PLAGL1: variants seen among roughly 807,000 people sequenced by gnomAD.
PLAGL1 encodes the protein PLAG1 like zinc finger 1.
A neutral mutation model predicts 4.6 loss-of-function variants in PLAGL1; 1 was observed. The observed-to-expected ratio is 0.22, with a 90% CI of 0.08 to 1.03. The LOEUF (loss-of-function observed/expected upper bound fraction) is 1.03, where lower values mean the gene tolerates loss of function less well. PLAGL1 is among the 50% of genes least tolerant of loss of function. PLAGL1 has a pLI of 0.58. For missense variants in PLAGL1, 464 were observed against 570.4 expected, an observed-to-expected ratio of 0.81 and a Z score of 1.90; for synonymous variants, 240 against 237.8, an observed-to-expected ratio of 1.01 and a Z score of -0.08.
rs548474223 is a variant in PLAGL1 at position 144,038,586 on chromosome 6, GT to G, written c.-151+25881del. Among the ~76,000 whole-genome samples the G allele has an allele frequency of 2.6e-5, 4 of 152,034 alleles. No individual in the cohort carries two copies. In the East Asian group the frequency reaches 5.8e-4, roughly 22 times the overall value. ...AAGACAATTCAATGGGGAAAGAATA[GT>G]TTTTTTTCAATGAATGGATAAATAA... On this transcript the variant is annotated intron_variant, in intron 1 of 3. Coordinates refer to the PLAGL1 transcript ENST00000437412.
At chr6:144,010,803 C>T (rs1009029067), upstream of PLAGL1, among the ~76,000 whole-genome samples, 6 of 152,158 alleles carry the variant, frequency 3.9e-5, no homozygotes, top group Non-Finnish European at 8.8e-5. The surrounding 1 kb of genome is among the most constrained non-coding windows in gnomAD (Gnocchi z 4.1). Context: ...TAACACCACA[C>T]ATCTACAACC....
intron 6 of PLAGL1, among the ~76,000 whole-genome samples, chr6:143,951,647 A>G (rs1169429265): frequency 6.6e-6 from 1 of 152,264 alleles, no homozygotes. Context: ...ACCCATGCCT[A>G]CATTTCCCCT....
In PLAGL1 at chr6:143,968,627, C is replaced by T. The variant is rs1278302634; in HGVS notation, c.-472+280G>A. 1.3e-5 allele frequency: 2 copies of T among 152,150 alleles called. No homozygotes were observed. The highest frequency in any genetic ancestry group is 4.8e-5 in the African/African-American group (2 of 41,416). 9.4% of individuals were successfully genotyped at this position (152,150 alleles called of 1,614,324 possible). ...TTTAAGACAGATAAATAGCAATGAT[C>T]GTTCTTAGCGTGTCCTCTTGAATTT... On this transcript the variant is annotated intron_variant, in intron 3 of 7. Transcript: ENST00000674357. This position sits in a 1 kb window ranked among gnomAD's most constrained non-coding sequence, Gnocchi z 6.3.
intron 1 of PLAGL1, among the ~76,000 whole-genome samples, chr6:144,038,617 A>G (rs1583828726): frequency 6.6e-6 from 1 of 152,368 alleles, no homozygotes; most frequent in Admixed American, 6.5e-5. Context: ...AAATAAAATG[A>G]CATGTCCAAA....
chr6:144,007,021 T>C (rs1230793527), intron 1 of PLAGL1: 1 of 152,136 alleles, frequency 6.6e-6, no homozygotes, highest in Non-Finnish European at 1.5e-5. Flanking sequence ...CTGAAAAACA[T>C]TGTTCTTAAG....
At chr6:143,951,236 C>T (rs537121486) in intron 6 of PLAGL1, among the ~76,000 whole-genome samples, 1 of 152,262 alleles carries the variant, frequency 6.6e-6, no homozygotes, top group South Asian at 2.1e-4. Context: ...AAATAAACAC[C>T]CTACAAATAG....
At position 143,960,254 on chromosome 6, in the gene PLAGL1, T is replaced by A. The variant is rs2128554543; in HGVS notation, c.-325+215A>T. Among the ~76,000 whole-genome samples the A allele has an allele frequency of 6.6e-6, 1 of 152,264 alleles. No individual in the cohort carries two copies. Among genetic ancestry groups the A allele is most frequent in the Non-Finnish European group, 1.5e-5 (1 of 68,022 alleles). On this transcript the variant is annotated intron_variant, in intron 6 of 7. Transcript: ENST00000674357. The surrounding 1 kb of genome is among the most constrained non-coding windows in gnomAD (Gnocchi z 5.7). ...AAAAGTTGCTAACTGCATCATCCAA[T>A]TCCCTGAAACACATGTGCACTGAGC...
Position 144,027,230 on chromosome 6 carries a change from C to T in PLAGL1, c.-151+37238G>A, listed in dbSNP as rs370637102. 2.0e-3 allele frequency among the ~76,000 whole-genome samples: 197 copies of T among 99,156 alleles called. 2 individuals carry two copies. The highest frequency in any genetic ancestry group is 7.7e-3 in the African/African-American group (186 of 24,160). The allele number at this position is 99,156 out of a possible 152,430, so 65.1% of individuals were successfully genotyped here. ...CAGAGAAAGACCCCAACTCAAAGAA[C>T]GAACGAAAGAAAGAAAGAAAGAAAG... On this transcript the variant is annotated intron_variant, in intron 1 of 3. Transcript: ENST00000437412. This position sits in a 1 kb window ranked among gnomAD's most constrained non-coding sequence, Gnocchi z 5.8.
At chr6:144,023,965 C>T (rs112664890) in intron 1 of PLAGL1, among the ~76,000 whole-genome samples, 31 of 151,768 alleles carry the variant, frequency 2.0e-4, no homozygotes, top group African/African-American at 6.8e-4. Context: ...TTAGTAGACA[C>T]GGGGTTTCAC....
rs1278689531 is a variant in PLAGL1, at chr6:143,968,724, G to A, written c.-472+183C>T. Reference sequence around the variant, plus strand: ...AACCTTATTTTCCCCCTCAAGGCCTGAAGTTCCTCAAATGTAAATTCTCTC... The same window carrying A: ...AACCTTATTTTCCCCCTCAAGGCCTAAAGTTCCTCAAATGTAAATTCTCTC... On this transcript the variant is annotated intron_variant, in intron 3 of 7. Transcript: ENST00000674357. This position sits in a 1 kb window ranked among gnomAD's most constrained non-coding sequence, Gnocchi z 6.3. 1 of 152,192 alleles carries A rather than the reference G, an allele frequency of 6.6e-6. No homozygotes were observed. The highest frequency in any genetic ancestry group is 1.5e-5 in the Non-Finnish European group (1 of 68,096). 9.4% of individuals were successfully genotyped at this position (152,192 alleles called of 1,614,324 possible).
Position 143,947,514 on chromosome 6 carries a change from C to T in PLAGL1, c.152+471G>A, listed in dbSNP as rs1055332061. 2.6e-5 allele frequency among the ~76,000 whole-genome samples: 4 copies of T among 152,234 alleles called. No individual in the cohort carries two copies. Among genetic ancestry groups the T allele is most frequent in the Non-Finnish European group, 4.4e-5 (3 of 68,042 alleles). ...ACTTTTAGCCTCATCTGCTCCTCCT[C>T]GGATAGTACCCTCTGCACATGGGTG... is the stretch of plus-strand genomic sequence containing the variant. On this transcript the variant is annotated intron_variant, in intron 7 of 7. Transcript: ENST00000674357. This position sits in a 1 kb window ranked among gnomAD's most constrained non-coding sequence, Gnocchi z 4.3.
At position 144,027,244 on chromosome 6, in the gene PLAGL1, AAAGAAAGAAAGAAAG is replaced by A. The variant is rs1306677880; in HGVS notation, c.-151+37209_-151+37223del. Among the ~76,000 whole-genome samples the A allele has an allele frequency of 8.3e-6, 1 of 119,946 alleles. No homozygotes were observed. The highest frequency in any genetic ancestry group is 1.8e-5 in the Non-Finnish European group (1 of 56,676). The allele number at this position is 119,946 out of a possible 152,430, so 78.7% of individuals were successfully genotyped here. On this transcript the variant is annotated intron_variant, in intron 1 of 3. Coordinates refer to the PLAGL1 transcript ENST00000437412. The surrounding 1 kb of genome is among the most constrained non-coding windows in gnomAD (Gnocchi z 5.8). ...AACTCAAAGAACGAACGAAAGAAAG[AAAGAAAGAAAGAAAG>A]AAAGAAAGAAAGAAAGAAAGAAAGA...
chr6:143,978,404 CTT>C lies in PLAGL1; in HGVS notation c.-544+6729_-544+6730del, dbSNP rs1249280864. Among the ~76,000 whole-genome samples the C allele has an allele frequency of 2.0e-5, 3 of 151,964 alleles. No individual in the cohort carries two copies. The highest frequency in any genetic ancestry group is 6.5e-5 in the Admixed American group (1 of 15,270). ...AAATTAAAAATATTTAAACATTTTT[CTT>C]GAGATTTTTCTTTGATCCATGGGTT... On this transcript the variant is annotated intron_variant, in intron 2 of 7. Transcript: ENST00000674357. This position sits in a 1 kb window ranked among gnomAD's most constrained non-coding sequence, Gnocchi z 4.6.
chr6:144,027,249 A>AAGAAAGAAAGAT lies in PLAGL1; in HGVS notation c.-151+37218_-151+37219insATCTTTCTTTCT, dbSNP rs1304705574. 8.2e-5 allele frequency among the ~76,000 whole-genome samples: 11 copies of AAGAAAGAAAGAT among 133,794 alleles called. No homozygotes were observed. Among genetic ancestry groups the AAGAAAGAAAGAT allele is most frequent in the African/African-American group, 2.9e-4 (11 of 37,750 alleles). The allele number at this position is 133,794 out of a possible 152,430, so 87.8% of individuals were successfully genotyped here. Reference sequence around the variant, plus strand: ...AAAGAACGAACGAAAGAAAGAAAGAAAGAAAGAAAGAAAGAAAGAAAGAAA... The same window carrying AAGAAAGAAAGAT: ...AAAGAACGAACGAAAGAAAGAAAGAAAGAAAGAAAGATAGAAAGAAAGAAAGAAAGAAAGAAA... On this transcript the variant is annotated intron_variant, in intron 1 of 3. Transcript: ENST00000437412. This position sits in a 1 kb window ranked among gnomAD's most constrained non-coding sequence, Gnocchi z 5.8.
At chr6:143,977,733 T>A (rs1211384451) in intron 2 of PLAGL1, among the ~76,000 whole-genome samples, 11 of 152,032 alleles carry the variant, frequency 7.2e-5, no homozygotes, top group Non-Finnish European at 1.6e-4. Context: ...CTCCCAACTT[T>A]CAGTGATCCA....
At chr6:144,023,988 A>G (rs1343850723) in intron 1 of PLAGL1, among the ~76,000 whole-genome samples, 1 of 151,704 alleles carries the variant, frequency 6.6e-6, no homozygotes, top group Non-Finnish European at 1.5e-5. Flanking sequence ...TGTTGACCAG[A>G]CTGGTCTTGA....
chr6:143,973,748 C>T lies in PLAGL1; in HGVS notation c.-543-4770G>A, dbSNP rs1427622950. On this transcript the variant is annotated intron_variant, in intron 2 of 7. Coordinates refer to ENST00000674357, the MANE Select transcript of PLAGL1 (RefSeq NM_001317162.2). The surrounding 1 kb of genome is among the most constrained non-coding windows in gnomAD (Gnocchi z 6.2). Reference sequence around the variant, plus strand: ...AGTTCACTGCTGTGCTAAAGCCAGTCGGCTACACCCAATAAGCTACTACAA... The same window carrying T: ...AGTTCACTGCTGTGCTAAAGCCAGTTGGCTACACCCAATAAGCTACTACAA... Among the ~76,000 whole-genome samples, 2 of 152,280 alleles carry T rather than the reference C, an allele frequency of 1.3e-5. No homozygotes were observed. The highest frequency in any genetic ancestry group is 2.4e-5 in the African/African-American group (1 of 41,558).
In PLAGL1 at chr6:143,978,808, G is replaced by A. The variant is rs924541020; in HGVS notation, c.-544+6327C>T. ...TGCTGTTGAGTAGCGTTCTATAAAC[G>A]CCAATTAAGTCAATGTGGTTGATAG... is the stretch of plus-strand genomic sequence containing the variant. On this transcript the variant is annotated intron_variant, in intron 2 of 7. Transcript: ENST00000674357. The surrounding 1 kb of genome is among the most constrained non-coding windows in gnomAD (Gnocchi z 4.6). Among the ~76,000 whole-genome samples the A allele has an allele frequency of 2.6e-5, 4 of 152,104 alleles. No individual in the cohort carries two copies. The highest frequency in any genetic ancestry group is 6.5e-5 in the Admixed American group (1 of 15,270).
At position 144,059,098 on chromosome 6, in the gene PLAGL1, T is replaced by G. The variant is rs1322865432; in HGVS notation, c.-151+5370A>C. 6.6e-6 allele frequency among the ~76,000 whole-genome samples: 1 copy of G among 152,222 alleles called. No individual in the cohort carries two copies. Among genetic ancestry groups the G allele is most frequent in the African/African-American group, 2.4e-5 (1 of 41,456 alleles). On this transcript the variant is annotated intron_variant, in intron 1 of 3. Transcript: ENST00000437412. The surrounding 1 kb of genome is among the most constrained non-coding windows in gnomAD (Gnocchi z 4.9). The stretch of plus-strand genomic sequence containing the variant: ...CTACAGCAGGCTTCTGCCTGTACAC[T>G]CAGGCTTTCTGATATGTCATTGGAA...
Sources: gnomAD v4.1 joint callset for allele counts (sites outside exome capture counted in the v4.1 genomes callset) on GRCh38, gnomAD v4.1.1 for gene constraint, Gnocchi (gnomAD v3.1) non-coding constraint, MANE v1.5 for transcripts, NCBI Gene and HGNC (gene_info 2026-07-23, HGNC 2026-07-21) for gene names.